IKZF3: variants seen among roughly 807,000 people sequenced by gnomAD.
IKZF3 encodes zinc finger protein Aiolos.
Under a neutral mutation model 49.0 loss-of-function variants are expected in IKZF3, and 10 were observed. The observed-to-expected ratio is 0.20, with a 90% CI of 0.13 to 0.35. The LOEUF (loss-of-function observed/expected upper bound fraction) is 0.35, where lower values mean the gene tolerates loss of function less well. Among genes scored for constraint, IKZF3 ranks in the 10% least tolerant of loss-of-function variants. The pLI, the probability that IKZF3 is intolerant of heterozygous loss-of-function variation, is 1.00. For synonymous variants in IKZF3, 209 were observed against 228.2 expected, an observed-to-expected ratio of 0.92 and a Z score of 0.76; for missense variants, 498 against 664.8, an observed-to-expected ratio of 0.75 and a Z score of 2.76.
chr17:39,854,819 A>G (rs1359985713), intron 1 of IKZF3, among the ~76,000 whole-genome samples: 3 of 152,090 alleles, frequency 2.0e-5, no homozygotes, highest in Non-Finnish European at 4.4e-5. Flanking sequence ...CTGAACAGGG[A>G]ACACTAAGCA....
At chr17:39,822,420 C>T (rs1294434715) in intron 3 of IKZF3, among the ~76,000 whole-genome samples, 5 of 151,966 alleles carry the variant, frequency 3.3e-5, no homozygotes, top group Non-Finnish European at 5.9e-5. Context: ...AATGAGTATC[C>T]GATATTTCCC....
intron 6 of IKZF3, among the ~76,000 whole-genome samples, chr17:39,784,610 G>A (rs566744497): frequency 8.5e-5 from 13 of 152,242 alleles, no homozygotes; most frequent in Admixed American, 6.5e-4. Context: ...CAACATGTTG[G>A]CCAAGATGGT....
At chr17:39,799,659 T>C (rs556121877) in intron 3 of IKZF3, among the ~76,000 whole-genome samples, 2 of 152,342 alleles carry the variant, frequency 1.3e-5, no homozygotes, top group African/African-American at 4.8e-5. Flanking sequence ...AGGATTCTTA[T>C]GCACATTAAA....
At chr17:39,845,779 C>T (rs930907901) in intron 1 of IKZF3, among the ~76,000 whole-genome samples, 4 of 152,248 alleles carry the variant, frequency 2.6e-5, no homozygotes, top group South Asian at 2.1e-4. Flanking sequence ...GAGAAAGTTG[C>T]GGTTTTCACT....
At chr17:39,766,537 G>C (rs1286490904) in intron 7 of IKZF3, 44 bp from the exon 8 acceptor site, 1 of 1,482,562 alleles carries the variant, frequency 6.7e-7, no homozygotes, top group Non-Finnish European at 9.2e-7. Flanking sequence ...ACACTGCCAA[G>C]GCAGAGAGTT....
intron 3 of IKZF3, among the ~76,000 whole-genome samples, chr17:39,793,189 T>C (rs1293055747): frequency 2.6e-5 from 4 of 152,184 alleles, no homozygotes; most frequent in Non-Finnish European, 1.5e-5. Flanking sequence ...AAATTACAGA[T>C]AATAGATTTT....
At chr17:39,841,804 G>A (rs1314705003) in intron 1 of IKZF3, among the ~76,000 whole-genome samples, 3 of 152,008 alleles carry the variant, frequency 2.0e-5, no homozygotes, top group African/African-American at 4.8e-5. Flanking sequence ...CAGCACTTTG[G>A]GAGGCCAAGG....
intron 6 of IKZF3, among the ~76,000 whole-genome samples, chr17:39,786,166 A>G (rs963370167): frequency 6.6e-6 from 1 of 152,236 alleles, no homozygotes; most frequent in African/African-American, 2.4e-5. Flanking sequence ...ATATACTAAA[A>G]TTATTGAAAT....
rs964278781 is a variant in IKZF3, at chr17:39,766,123, G to A, written c.1197C>T (p.His399=). ...TDSNHEERQN[H]IYQQNHMVLS... ...GGACCATGTGATTTTGCTGATAGATGTGATTCTGGCGTTCTTCATGGTTGC... is the reference window on the plus strand; with the variant it reads ...GGACCATGTGATTTTGCTGATAGATATGATTCTGGCGTTCTTCATGGTTGC... Residue 399 remains histidine, a synonymous_variant, in exon 8 of 8, where the codon CAC becomes CAT. Transcript: ENST00000346872. The A allele has an allele frequency of 2.5e-6, 4 of 1,614,098 alleles. No homozygotes were observed. The East Asian group carries it at 6.7e-5, about 27-fold the overall frequency.
chr17:39,841,301 G>T (rs1019770176), intron 1 of IKZF3, among the ~76,000 whole-genome samples: 2 of 152,094 alleles, frequency 1.3e-5, no homozygotes, highest in Non-Finnish European at 2.9e-5. Flanking sequence ...GCCTGAGAGG[G>T]AATGAAGAGG....
chr17:39,764,077 A>G lies in IKZF3; in HGVS notation c.*1713T>C, dbSNP rs2060236273. 1 of 151,986 alleles carries G rather than the reference A, an allele frequency of 6.6e-6. No individual in the cohort carries two copies. Among genetic ancestry groups the G allele is most frequent in the Non-Finnish European group, 1.5e-5 (1 of 68,010 alleles). The allele number at this position is 151,986 out of a possible 1,614,324, so 9.4% of individuals were successfully genotyped here. ...ACCATGTGGGTCAGGCTGGTCTCGAACTCCTGACCTCAAATGATGCGCCTG... is the reference window on the plus strand; with the variant it reads ...ACCATGTGGGTCAGGCTGGTCTCGAGCTCCTGACCTCAAATGATGCGCCTG... On this transcript the variant is annotated 3_prime_UTR_variant, in exon 8 of 8. Coordinates refer to ENST00000346872, the MANE Select transcript of IKZF3 (RefSeq NM_012481.5).
At chr17:39,778,112 T>C in intron 6 of IKZF3, 1 of 1,009,218 alleles carries the variant, frequency 9.9e-7, no homozygotes, top group African/African-American at 1.7e-5. Flanking sequence ...TTCTTTCTGA[T>C]TCTGAGTAAC....
chr17:39,852,798 T>C (rs1185761678), intron 1 of IKZF3, among the ~76,000 whole-genome samples: 1 of 152,090 alleles, frequency 6.6e-6, no homozygotes, highest in Non-Finnish European at 1.5e-5. Context: ...GGTGAAACCC[T>C]GTTCTCTACG....
chr17:39,839,501 C>T (rs2062402875), intron 1 of IKZF3: 1 of 567,258 alleles, frequency 1.8e-6, no homozygotes. Flanking sequence ...ATCACTTAAT[C>T]CTGAAAGTCT....
chr17:39,845,861 TTG>T (rs2062615222), intron 1 of IKZF3, among the ~76,000 whole-genome samples: 1 of 152,216 alleles, frequency 6.6e-6, no homozygotes, highest in African/African-American at 2.4e-5. Flanking sequence ...ATGTCACTGA[TTG>T]AAAAATTAAT....
chr17:39,864,305 G>A lies in IKZF3; in HGVS notation c.-179C>T. 1.6e-6 allele frequency: 1 copy of A among 639,034 alleles called. No homozygotes were observed. The allele number at this position is 639,034 out of a possible 1,614,324, so 39.6% of individuals were successfully genotyped here. On this transcript the variant is annotated 5_prime_UTR_variant, in exon 1 of 8. Transcript: ENST00000346872. Reference sequence around the variant, plus strand: ...GCAGGAGCCGGCGACCTGCCGGTGCGCGGGGTTACAGCGGCGCTGGCTGGC... The same window carrying A: ...GCAGGAGCCGGCGACCTGCCGGTGCACGGGGTTACAGCGGCGCTGGCTGGC...
At chr17:39,835,870 C>T (rs568032690) in intron 1 of IKZF3, 12 of 623,498 alleles carry the variant, frequency 1.9e-5, no homozygotes, top group South Asian at 1.4e-4. Context: ...ATCTCATCCT[C>T]GTACTTGTTC....
In IKZF3 at chr17:39,850,776, A is replaced by C. The variant is rs1324015077; in HGVS notation, c.7+13344T>G. Among the ~76,000 whole-genome samples, 5 of 119,670 alleles carry C rather than the reference A, an allele frequency of 4.2e-5. No homozygotes were observed. The Admixed American group carries it at 4.8e-4, about 11-fold the overall frequency. 78.5% of individuals were successfully genotyped at this position (119,670 alleles called of 152,430 possible). A position where few individuals can be genotyped will look rare whatever the true frequency, so the allele number is the denominator to read the frequency against. On this transcript the variant is annotated intron_variant, in intron 1 of 7. Transcript: ENST00000346872. ...ATACTATATATTATATATAATATATAGTATATATACATATCTAATATGCTA... is the reference window on the plus strand; with the variant it reads ...ATACTATATATTATATATAATATATCGTATATATACATATCTAATATGCTA...
intron 1 of IKZF3, among the ~76,000 whole-genome samples, chr17:39,856,346 T>C (rs1339353982): frequency 6.6e-6 from 1 of 151,910 alleles, no homozygotes; most frequent in Non-Finnish European, 1.5e-5. Flanking sequence ...TGGAGTGCAG[T>C]GGTGCAATCT....
Sources: gnomAD v4.1 joint callset for allele counts (sites outside exome capture counted in the v4.1 genomes callset) on GRCh38, gnomAD v4.1.1 for gene constraint, MANE v1.5 for transcripts, NCBI Gene and HGNC (gene_info 2026-07-23, HGNC 2026-07-21) for gene names.